Variants in XAB2 observed in about 807,000 individuals in gnomAD.
The protein encoded by XAB2 is XPA binding protein 2.
A neutral mutation model predicts 113.4 loss-of-function variants in XAB2; 57 were observed. That is an observed-to-expected ratio of 0.50 (90% CI 0.41 to 0.63). The LOEUF (loss-of-function observed/expected upper bound fraction) is 0.63. XAB2 is among the 20% of genes least tolerant of loss of function. The pLI, the probability that XAB2 is intolerant of heterozygous loss-of-function variation, is 0.00. For synonymous variants in XAB2, 497 were observed against 498.8 expected, an observed-to-expected ratio of 1.00 and a Z score of 0.05; for missense variants, 1,037 against 1,233.3, an observed-to-expected ratio of 0.84 and a Z score of 2.38.
chr19:7,621,404 G>A (rs1355668402), intron 12 of XAB2, 107 bp from the exon 13 acceptor site: 8 of 1,328,208 alleles, frequency 6.0e-6, no homozygotes, highest in African/African-American at 1.4e-5. Context: ...GAACTCCCTT[G>A]GGGCCCTTCC....
At chr19:7,622,146 G>A in intron 12 of XAB2, 185 bp downstream of exon 12, 1 of 605,992 alleles carries the variant, frequency 1.7e-6, no homozygotes, top group South Asian at 1.9e-5. Context: ...GGAGGAACCA[G>A]CCCTGCCCAT....
At position 7,623,738 on chromosome 19, in the gene XAB2, G is replaced by T; in HGVS notation, c.1112C>A (p.Pro371His). Reference sequence around the variant, plus strand: ...GGGGCAGGCTTCATGTACCTCCCGGGGGCGGCCCTGGTGCAGGGCGACACG... The same window carrying T: ...GGGGCAGGCTTCATGTACCTCCCGGTGGCGGCCCTGGTGCAGGGCGACACG... ...HKRVALHQGRPREIINTYTEA... is the reference protein window; with the variant it reads ...HKRVALHQGRHREIINTYTEA... The change falls in exon 8 of 19, where the codon CCC becomes CAC. Residue 371 changes from proline to histidine, a missense_variant. Pro to His is a moderately conservative substitution (Grantham distance 77). Coordinates refer to ENST00000358368, the MANE Select transcript of XAB2 (RefSeq NM_020196.3). This position sits in a 1 kb window ranked among gnomAD's most constrained non-coding sequence, Gnocchi z 4.6. 1 of 1,601,786 alleles carries T rather than the reference G, an allele frequency of 6.2e-7. No homozygotes were observed. Among genetic ancestry groups the T allele is most frequent in the South Asian group, 1.1e-5 (1 of 90,024 alleles).
rs375947219 is a variant in XAB2, at chr19:7,623,831, C to T, written c.1019G>A (p.Arg340Gln). 61 of 1,609,958 alleles carry T rather than the reference C, an allele frequency of 3.8e-5. 1 individual carries two copies. The highest frequency in any genetic ancestry group is 3.4e-4 in the Admixed American group (20 of 59,696). ...RLARFEQLIS[R>Q]RPLLLNSVLL... The stretch of plus-strand genomic sequence containing the variant: ...GACGCTGTTGAGGAGCAGGGGCCGC[C>T]GGCTGATGAGCTGCTCGAAGCGGGC... Residue 340 changes from arginine (R) to glutamine (Q), a missense_variant, in exon 8 of 19, where the codon CGG becomes CAG. By Grantham distance (43) the Arg-to-Gln change is conservative (BLOSUM62 1). Transcript: ENST00000358368. The surrounding 1 kb of genome is among the most constrained non-coding windows in gnomAD (Gnocchi z 4.6).
In XAB2 at chr19:7,627,862, G is replaced by C. The variant is rs535849581; in HGVS notation, c.201-11C>G. 6.2e-7 allele frequency: 1 copy of C among 1,610,450 alleles called. No homozygotes were observed. Among genetic ancestry groups the C allele is most frequent in the East Asian group, 2.2e-5 (1 of 44,748 alleles). On this transcript the variant is annotated splice_polypyrimidine_tract_variant and intron_variant, in intron 2 of 18. Transcript: ENST00000358368. The surrounding 1 kb of genome is among the most constrained non-coding windows in gnomAD (Gnocchi z 4.5). ...TACCAGAGTTTGTAGCTGGGGAATA[G>C]GAGGGGACAGATGCTGATCGGTCAG... is the stretch of plus-strand genomic sequence containing the variant.
In XAB2 at chr19:7,623,161, G is replaced by A. The variant is rs984905434; in HGVS notation, c.1239+9C>T. 3 of 1,612,952 alleles carry A rather than the reference G, an allele frequency of 1.9e-6. No homozygotes were observed. The highest frequency in any genetic ancestry group is 2.7e-5 in the African/African-American group (2 of 74,914). On this transcript the variant is annotated intron_variant, in intron 9 of 18. Coordinates refer to ENST00000358368, the MANE Select transcript of XAB2 (RefSeq NM_020196.3). This position sits in a 1 kb window ranked among gnomAD's most constrained non-coding sequence, Gnocchi z 4.6. ...ATGAACACACAGGCACACGCAACAGGGTGCTCACATCGTCCAGCTGTCCGT... is the reference window on the plus strand; with the variant it reads ...ATGAACACACAGGCACACGCAACAGAGTGCTCACATCGTCCAGCTGTCCGT...
Position 7,624,616 on chromosome 19 carries a change from C to T in XAB2, c.823-171G>A, listed in dbSNP as rs1170856298. On this transcript the variant is annotated intron_variant, in intron 6 of 18. Transcript: ENST00000358368. The surrounding 1 kb of genome is among the most constrained non-coding windows in gnomAD (Gnocchi z 4.2). ...AGAGCCTCCGTGGAGCCTTCTCACC[C>T]CCGCCCTGCCCTGCACTGCCAGGGT... Among the ~76,000 whole-genome samples, 7 of 152,118 alleles carry T rather than the reference C, an allele frequency of 4.6e-5. No homozygotes were observed. Among genetic ancestry groups the T allele is most frequent in the African/African-American group, 1.7e-4 (7 of 41,408 alleles).
rs1311473201 is a variant in XAB2 at position 7,622,463 on chromosome 19, G to C, written c.1504-19C>G. On this transcript the variant is annotated intron_variant, in intron 11 of 18. Coordinates refer to ENST00000358368, the MANE Select transcript of XAB2 (RefSeq NM_020196.3). Reference sequence around the variant, plus strand: ...TGGTGGACTGCAGGGGTGGGGATGGGAAAGGTTGGAGCTGGTTCTGGAGCT... The same window carrying C: ...TGGTGGACTGCAGGGGTGGGGATGGCAAAGGTTGGAGCTGGTTCTGGAGCT... 1.2e-6 allele frequency: 2 copies of C among 1,614,020 alleles called. No homozygotes were observed. Among genetic ancestry groups the C allele is most frequent in the Non-Finnish European group, 1.7e-6 (2 of 1,180,036 alleles).
At position 7,619,989 on chromosome 19, in the gene XAB2, G is replaced by C. The variant is rs775210977; in HGVS notation, c.2353C>G (p.Arg785Gly). ...RAEQLAAEAERDQPLRAQSKI... is the reference protein window; with the variant it reads ...RAEQLAAEAEGDQPLRAQSKI... The stretch of plus-strand genomic sequence containing the variant: ...CTCTGGGCGCGCAAGGGCTGGTCAC[G>C]CTCCGCCTCAGCCGCCAGCTGCTCT... The change falls in exon 17 of 19, where the codon CGT becomes GGT. Residue 785 changes from arginine (R) to glycine (G), a missense_variant. Arg to Gly is a moderately radical substitution (Grantham distance 125). Transcript: ENST00000358368. 1.9e-6 allele frequency: 3 copies of C among 1,612,206 alleles called. No individual in the cohort carries two copies. The South Asian group carries it at 3.3e-5, about 18-fold the overall frequency.
Position 7,623,946 on chromosome 19 carries a change from G to A in XAB2, c.968-64C>T, listed in dbSNP as rs4134844. 1.3e-4 allele frequency: 197 copies of A among 1,473,732 alleles called. No individual in the cohort carries two copies. In the African/African-American group the frequency reaches 1.9e-3, roughly 14 times the overall value. 91.3% of individuals were successfully genotyped at this position (1,473,732 alleles called of 1,614,324 possible). ...AGGATGCAGGTCCCCGGATGCCACC[G>A]CCTCCACTCCCCACCCTCACTCCGC... is the stretch of plus-strand genomic sequence containing the variant. On this transcript the variant is annotated intron_variant, in intron 7 of 18. Coordinates refer to ENST00000358368, the MANE Select transcript of XAB2 (RefSeq NM_020196.3). The surrounding 1 kb of genome is among the most constrained non-coding windows in gnomAD (Gnocchi z 4.6).
Position 7,623,230 on chromosome 19 carries a change from C to T in XAB2, c.1179G>A (p.Lys393=). 9 of 1,613,882 alleles carry T rather than the reference C, an allele frequency of 5.6e-6. No individual in the cohort carries two copies. Among genetic ancestry groups the T allele is most frequent in the Non-Finnish European group, 7.6e-6 (9 of 1,180,042 alleles). Residue 393 remains lysine, a synonymous_variant, in exon 9 of 19, where the codon AAG becomes AAA. Transcript: ENST00000358368. The surrounding 1 kb of genome is among the most constrained non-coding windows in gnomAD (Gnocchi z 4.6). ...QTVDPFKATG[K]PHTLWVAFAK... is the part of the protein sequence containing the mutation. ...CAAACGCCACCCACAGAGTGTGGGG[C>T]TTGCCTGTGGCCTTGAAGGGGTCCA...
intron 12 of XAB2, chr19:7,621,655 T>A (rs959000476): frequency 6.8e-6 from 2 of 295,488 alleles, no homozygotes; most frequent in Admixed American, 9.2e-5. Context: ...CGCGTATGCA[T>A]GTACGACCTC....
intron 13 of XAB2, 33 bp downstream of exon 13, chr19:7,621,102 C>CCCA: frequency 1.3e-6 from 2 of 1,510,514 alleles, no homozygotes; most frequent in Non-Finnish European, 1.8e-6. Flanking sequence ...CCAGCCCGCC[C>CCCA]GCCACCCCCC....
chr19:7,621,464 G>T, intron 12 of XAB2, 167 bp from the exon 13 acceptor site: 1 of 699,208 alleles, frequency 1.4e-6, no homozygotes, highest in Non-Finnish European at 2.4e-6. Flanking sequence ...TCTGTCCTCT[G>T]CACTGTCTCC....
At chr19:7,622,006 G>T in intron 12 of XAB2, 1 of 261,168 alleles carries the variant, frequency 3.8e-6, no homozygotes, top group Non-Finnish European at 7.4e-6. Context: ...GTCGTTAGGG[G>T]CCACCTAATC....
Position 7,620,891 on chromosome 19 carries a change from G to T in XAB2, c.1926C>A (p.Ile642=). 1.2e-6 allele frequency: 2 copies of T among 1,602,380 alleles called. No homozygotes were observed. Among genetic ancestry groups the T allele is most frequent in the Non-Finnish European group, 1.7e-6 (2 of 1,175,064 alleles). ...FNIYIKRAAE[I]YGVTHTRGIY... Reference sequence around the variant, plus strand: ...TGCCGCGGGTGTGGGTGACCCCATAGATCTCGGCCGCCCGCTTGATGTAGA... The same window carrying T: ...TGCCGCGGGTGTGGGTGACCCCATATATCTCGGCCGCCCGCTTGATGTAGA... Residue 642 remains isoleucine (I), a synonymous_variant, in exon 14 of 19, where the codon ATC becomes ATA. Coordinates refer to ENST00000358368, the MANE Select transcript of XAB2 (RefSeq NM_020196.3).
rs1253790382 is a variant in XAB2, at chr19:7,627,560, A to G, written c.325-120T>C. On this transcript the variant is annotated intron_variant, in intron 3 of 18. Transcript: ENST00000358368. This position sits in a 1 kb window ranked among gnomAD's most constrained non-coding sequence, Gnocchi z 4.5. ...CCACCACATAAATGCGGCGGGACCCAGAAACCCCCAGCTCCAGGACTGAGT... is the reference window on the plus strand; with the variant it reads ...CCACCACATAAATGCGGCGGGACCCGGAAACCCCCAGCTCCAGGACTGAGT... The G allele has an allele frequency of 2.7e-6, 4 of 1,504,728 alleles. No individual in the cohort carries two copies. Among genetic ancestry groups the G allele is most frequent in the Non-Finnish European group, 3.6e-6 (4 of 1,109,824 alleles). The allele number at this position is 1,504,728 out of a possible 1,614,324, so 93.2% of individuals were successfully genotyped here.
rs781567174 is a variant in XAB2, at chr19:7,620,932, A to G, written c.1885T>C (p.Tyr629His). The change falls in exon 14 of 19, where the codon TAT becomes CAT. Residue 629 changes from tyrosine to histidine, a missense_variant. Transcript: ENST00000358368. ...ATRAVEPAQQ[Y>H]DMFNIYIKRA... ...TTGATGTAGATGTTGAACATGTCAT[A>G]CTGCTGGGCGGGCTCCACGGCCCTG... is the stretch of plus-strand genomic sequence containing the variant. The G allele has an allele frequency of 1.3e-6, 2 of 1,597,138 alleles. No individual in the cohort carries two copies. Among genetic ancestry groups the G allele is most frequent in the East Asian group, 4.5e-5 (2 of 44,210 alleles).
Position 7,626,174 on chromosome 19 carries a change from C to T in XAB2, c.619G>A (p.Glu207Lys). 3 of 1,613,752 alleles carry T rather than the reference C, an allele frequency of 1.9e-6. No homozygotes were observed. Among genetic ancestry groups the T allele is most frequent in the Non-Finnish European group, 2.5e-6 (3 of 1,180,022 alleles). ...AQRLATVVND[E>K]RFVSKAGKSN... ...TTGCCGGCCTTAGACACGAAACGCT[C>T]GTCGTTCACCACGGTGGCCAGGCGC... The change falls in exon 5 of 19, where the codon GAG (glutamate) becomes AAG (lysine). Residue 207 changes from glutamate (E) to lysine (K), a missense_variant. Glu to Lys is a moderately conservative substitution (Grantham distance 56). Transcript: ENST00000358368.
At position 7,625,689 on chromosome 19, in the gene XAB2, G is replaced by A. The variant is rs1446361176; in HGVS notation, c.822+191C>T. Among the ~76,000 whole-genome samples the A allele has an allele frequency of 1.3e-5, 2 of 152,116 alleles. No individual in the cohort carries two copies. Among genetic ancestry groups the A allele is most frequent in the African/African-American group, 4.8e-5 (2 of 41,422 alleles). ...TGATGGGGTTTCACCATGTTGGCCA[G>A]GCTGGTCTTGAACTGCTGACCTCAA... is the stretch of plus-strand genomic sequence containing the variant. On this transcript the variant is annotated intron_variant, in intron 6 of 18. Coordinates refer to ENST00000358368, the MANE Select transcript of XAB2 (RefSeq NM_020196.3). This position sits in a 1 kb window ranked among gnomAD's most constrained non-coding sequence, Gnocchi z 5.2.
Sources: allele counts gnomAD v4.1 joint callset (sites outside exome capture counted in the v4.1 genomes callset), GRCh38; gene constraint gnomAD v4.1.1; non-coding constraint Gnocchi (gnomAD v3.1); transcripts MANE v1.5; gene names NCBI Gene and HGNC (gene_info 2026-07-23, HGNC 2026-07-21).